The following LARGE1 variants were observed in gnomAD, a reference collection of about 807,000 sequenced individuals.
LARGE1 encodes LARGE xylosyl- and glucuronyltransferase 1, also known as xylosyl- and glucuronyltransferase LARGE1.
LARGE1 carries 43 observed loss-of-function variants against 87.6 expected under a neutral mutation model. The ratio of observed to expected loss-of-function variants is 0.49; its 90% CI spans 0.38 to 0.63. The LOEUF (loss-of-function observed/expected upper bound fraction) is 0.63. LARGE1 is among the 30% of genes least tolerant of loss of function. LARGE1 has a pLI of 0.00. For synonymous variants in LARGE1, 434 were observed against 394.6 expected, an observed-to-expected ratio of 1.10 and a Z score of -1.18; for missense variants, 802 against 1,000.2, an observed-to-expected ratio of 0.80 and a Z score of 2.67.
chr22:33,867,306 A>G (rs1490232550), intron 1 of LARGE1, among the ~76,000 whole-genome samples: 1 of 152,182 alleles, frequency 6.6e-6, no homozygotes, highest in Non-Finnish European at 1.5e-5. Context: ...TGGGATAAAC[A>G]TGGCCTTTGC....
At chr22:33,611,917 C>T (rs1413747243) in intron 4 of LARGE1, among the ~76,000 whole-genome samples, 1 of 152,140 alleles carries the variant, frequency 6.6e-6, no homozygotes, top group Non-Finnish European at 1.5e-5. Flanking sequence ...TGGCACCTCC[C>T]ACCCTCTCTC....
intron 10 of LARGE1, among the ~76,000 whole-genome samples, chr22:33,328,952 A>G (rs1172833541): frequency 6.6e-6 from 1 of 152,042 alleles, no homozygotes; most frequent in Non-Finnish European, 1.5e-5. Context: ...CTTTGTGGTG[A>G]AGATTAAAGT....
intron 11 of LARGE1, among the ~76,000 whole-genome samples, chr22:33,187,938 A>C: frequency 8.4e-6 from 1 of 119,390 alleles, no homozygotes; most frequent in Non-Finnish European, 1.7e-5. Context: ...AAAAAAAAAA[A>C]AAAAAAAAAA....
chr22:33,851,271 A>T, intron 1 of LARGE1, among the ~76,000 whole-genome samples: 1 of 152,200 alleles, frequency 6.6e-6, no homozygotes, highest in Non-Finnish European at 1.5e-5. Flanking sequence ...TTGACTCCTA[A>T]ACAAGCGATT....
At chr22:33,374,008 G>T (rs62225264) in intron 9 of LARGE1, among the ~76,000 whole-genome samples, 1 of 145,856 alleles carries the variant, frequency 6.9e-6, no homozygotes, top group Non-Finnish European at 1.5e-5. Context: ...TTATCTTGAA[G>T]GCCTACAAAG....
At chr22:33,632,324 A>C (rs2149100381) in intron 3 of LARGE1, among the ~76,000 whole-genome samples, 1 of 152,242 alleles carries the variant, frequency 6.6e-6, no homozygotes, top group South Asian at 2.1e-4. Context: ...GGGTTTGGCC[A>C]CGTTGCCCAA....
chr22:33,909,639 C>T (rs1485587641), intron 1 of LARGE1, among the ~76,000 whole-genome samples: 2 of 151,948 alleles, frequency 1.3e-5, no homozygotes, highest in Admixed American at 6.5e-5. Flanking sequence ...TCCGGGTTCA[C>T]GCCATTCTCC....
intron 10 of LARGE1, among the ~76,000 whole-genome samples, chr22:33,321,395 C>T (rs1424091043): frequency 1.3e-5 from 2 of 152,158 alleles, no homozygotes; most frequent in Non-Finnish European, 2.9e-5. Context: ...TGGCTTTCCC[C>T]TTGAGGGCCT....
chr22:33,175,901 C>T (rs1256963851), intron 11 of LARGE1, among the ~76,000 whole-genome samples: 2 of 152,172 alleles, frequency 1.3e-5, no homozygotes, highest in Non-Finnish European at 2.9e-5. Flanking sequence ...TGACTTCAAA[C>T]TATACTACAG....
intron 2 of LARGE1, among the ~76,000 whole-genome samples, chr22:33,760,581 G>A (rs2084689564): frequency 6.6e-6 from 1 of 152,124 alleles, no homozygotes; most frequent in Non-Finnish European, 1.5e-5. Flanking sequence ...CTCCAGATCT[G>A]TTATCTCCAT....
chr22:33,290,026 T>C (rs1423557169), intron 12 of LARGE1, among the ~76,000 whole-genome samples: 2 of 152,146 alleles, frequency 1.3e-5, no homozygotes, highest in Non-Finnish European at 2.9e-5. Flanking sequence ...GCCCGGGTTC[T>C]GCATAAACCA....
At chr22:33,113,957 G>A in the LARGE1 span, among the ~76,000 whole-genome samples, 7 of 150,390 alleles carry the variant, frequency 4.7e-5, no homozygotes, top group African/African-American at 7.4e-5. Flanking sequence ...TGCAAGCTCC[G>A]CCTCCCGGGT....
chr22:33,257,492 G>A (rs879546131), intron 11 of LARGE1, among the ~76,000 whole-genome samples: 2 of 152,058 alleles, frequency 1.3e-5, no homozygotes, highest in Non-Finnish European at 2.9e-5. Context: ...GGGTGGGAGG[G>A]AATGAGTAGC....
intron 3 of LARGE1, among the ~76,000 whole-genome samples, chr22:33,643,189 A>C (rs2080499507): frequency 6.6e-6 from 1 of 152,130 alleles, no homozygotes; most frequent in Non-Finnish European, 1.5e-5. Context: ...AAATCATAAC[A>C]AACAGTCTCT....
At chr22:33,566,665 G>A (rs576196624) in intron 5 of LARGE1, among the ~76,000 whole-genome samples, 2 of 152,248 alleles carry the variant, frequency 1.3e-5, no homozygotes, top group Non-Finnish European at 2.9e-5. Flanking sequence ...TGGCTGGGGT[G>A]GCCAGCTTTT....
intron 1 of LARGE1, among the ~76,000 whole-genome samples, chr22:33,852,568 T>A (rs2063621480): frequency 6.6e-6 from 1 of 152,108 alleles, no homozygotes; most frequent in East Asian, 1.9e-4. Flanking sequence ...CGATAAAGGC[T>A]GGGCACGGTG....
chr22:33,803,937 C>T (rs1366370275), intron 1 of LARGE1, among the ~76,000 whole-genome samples: 1 of 152,218 alleles, frequency 6.6e-6, no homozygotes, highest in East Asian at 1.9e-4. Context: ...TGGGAACCCT[C>T]CTAAAATCCA....
chr22:33,186,975 C>T (rs983625520), intron 11 of LARGE1, among the ~76,000 whole-genome samples: 13 of 152,106 alleles, frequency 8.5e-5, no homozygotes, highest in Non-Finnish European at 1.6e-4. Flanking sequence ...AATTATGTAT[C>T]CTGTCTCCAT....
At chr22:33,333,682 A>C (rs1938038915) in intron 10 of LARGE1, among the ~76,000 whole-genome samples, 1 of 152,204 alleles carries the variant, frequency 6.6e-6, no homozygotes, top group Admixed American at 6.5e-5. Flanking sequence ...GCTTGGTTCT[A>C]TCCTATGTTA....
Sources: gnomAD v4.1 joint callset for allele counts (sites outside exome capture counted in the v4.1 genomes callset) on GRCh38, gnomAD v4.1.1 for gene constraint, MANE v1.5 for transcripts, NCBI Gene and HGNC (gene_info 2026-07-23, HGNC 2026-07-21) for gene names.